SLC8B1: variants seen among roughly 807,000 people sequenced by gnomAD.
SLC8B1 encodes the protein mitochondrial sodium/calcium exchanger protein.
A neutral mutation model predicts 63.4 loss-of-function variants in SLC8B1; 52 were observed. The ratio of observed to expected loss-of-function variants is 0.82; its 90% CI spans 0.66 to 1.03. The LOEUF (loss-of-function observed/expected upper bound fraction) is 1.03. Ranked by LOEUF, SLC8B1 falls within the 50% of genes least tolerant of loss-of-function variation. SLC8B1 has a pLI of 0.00. For synonymous variants in SLC8B1, 336 were observed against 323.9 expected, an observed-to-expected ratio of 1.04 and a Z score of -0.40; for missense variants, 657 against 741.7, an observed-to-expected ratio of 0.89 and a Z score of 1.33.
At chr12:113,312,196 G>A (rs1383554181) in intron 11 of SLC8B1, among the ~76,000 whole-genome samples, 1 of 152,112 alleles carries the variant, frequency 6.6e-6, no homozygotes, top group Non-Finnish European at 1.5e-5. Flanking sequence ...CACTTTGGGA[G>A]GCTGAGGCAG....
rs57763094 is a variant in SLC8B1, at chr12:113,303,114, G to GACACACAC, written c.1557+1199_1557+1206dup. 3.3e-3 allele frequency among the ~76,000 whole-genome samples: 460 copies of GACACACAC among 140,948 alleles called. 3 individuals are homozygous for GACACACAC. Among genetic ancestry groups the GACACACAC allele is most frequent in the African/African-American group, 0.011 (399 of 37,208 alleles). 92.5% of individuals were successfully genotyped at this position (140,948 alleles called of 152,430 possible). On this transcript the variant is annotated intron_variant, in intron 15 of 15. Coordinates refer to ENST00000680972, the MANE Select transcript of SLC8B1 (RefSeq NM_001358345.2). ...TCCTAAACTCAGCACAAAGGCGGTG[G>GACACACAC]ACACACACACACACACACACACACA...
At chr12:113,318,438 CGTATGT>C (rs1346067759) in intron 8 of SLC8B1, among the ~76,000 whole-genome samples, 1 of 149,058 alleles carries the variant, frequency 6.7e-6, no homozygotes, top group Admixed American at 6.7e-5. Context: ...TGTGTATACA[CGTATGT>C]GTATGTGTTG....
At position 113,332,816 on chromosome 12, in the gene SLC8B1, C is replaced by T. The variant is rs571587280; in HGVS notation, c.63G>A (p.Ala21=). The T allele has an allele frequency of 4.0e-5, 64 of 1,614,204 alleles. 2 individuals are homozygous for T. Among genetic ancestry groups the T allele is most frequent in the Admixed American group, 1.8e-4 (11 of 60,020 alleles). Residue 21 remains alanine (A), a synonymous_variant, in exon 2 of 16, where the codon GCG becomes GCA. Coordinates refer to ENST00000680972, the MANE Select transcript of SLC8B1 (RefSeq NM_001358345.2). ...AGCCCCTAGTCCCAGACACTGTCTC[C>T]GCCATTAGCAGCACACAAAGCACAC... ...ALSVLCVLLM[A]ETVSGTRGSS... is the part of the protein sequence containing the mutation.
chr12:113,334,192 A>G (rs558236382), intron 1 of SLC8B1, among the ~76,000 whole-genome samples: 37 of 152,356 alleles, frequency 2.4e-4, no homozygotes, highest in African/African-American at 8.7e-4. Flanking sequence ...AATGGCTTCA[A>G]TATATTTCAA....
At chr12:113,311,365 A>G (rs1457500331) in intron 11 of SLC8B1, among the ~76,000 whole-genome samples, 2 of 152,090 alleles carry the variant, frequency 1.3e-5, no homozygotes, top group African/African-American at 4.8e-5. Context: ...CAGGAGAATC[A>G]CTTGAACTCA....
chr12:113,317,263 T>C (rs552104359), intron 8 of SLC8B1, among the ~76,000 whole-genome samples: 1 of 152,108 alleles, frequency 6.6e-6, no homozygotes, highest in East Asian at 1.9e-4. Flanking sequence ...AGCTAATTTT[T>C]AAAAATTTTA....
At chr12:113,330,621 C>T (rs777613500) in intron 2 of SLC8B1, among the ~76,000 whole-genome samples, 1 of 152,200 alleles carries the variant, frequency 6.6e-6, no homozygotes, top group African/African-American at 2.4e-5. Flanking sequence ...TCCCAGTTTT[C>T]CTGCCCCCAA....
At chr12:113,302,392 T>A in intron 15 of SLC8B1, 1 of 283,716 alleles carries the variant, frequency 3.5e-6, no homozygotes, top group South Asian at 3.2e-5. Flanking sequence ...GCTGATGCCC[T>A]GATTGCAGGC....
rs1445877946 is a variant in SLC8B1, at chr12:113,299,132, G to T, written c.*645C>A. On this transcript the variant is annotated 3_prime_UTR_variant, in exon 16 of 16. Transcript: ENST00000680972. Reference sequence around the variant, plus strand: ...AGCTGCTGGCGTAGCAGTGCCTCGGGCTGGCATCGTTTTGGAAGCAAGTGG... The same window carrying T: ...AGCTGCTGGCGTAGCAGTGCCTCGGTCTGGCATCGTTTTGGAAGCAAGTGG... 1 of 153,764 alleles carries T rather than the reference G, an allele frequency of 6.5e-6. No individual in the cohort carries two copies. The highest frequency in any genetic ancestry group is 2.4e-5 in the African/African-American group (1 of 41,484). The allele number at this position is 153,764 out of a possible 1,614,324, so 9.5% of individuals were successfully genotyped here.
chr12:113,302,576 C>T (rs1044969651), intron 15 of SLC8B1: 1 of 453,906 alleles, frequency 2.2e-6, no homozygotes, highest in African/African-American at 2.0e-5. Flanking sequence ...AATGTCCCCT[C>T]CCCGCTTCTC....
At chr12:113,304,031 C>T (rs1014634131) in intron 15 of SLC8B1, among the ~76,000 whole-genome samples, 1 of 152,166 alleles carries the variant, frequency 6.6e-6, no homozygotes, top group South Asian at 2.1e-4. Flanking sequence ...CAGGTGTGCA[C>T]CACCACACCT....
intron 15 of SLC8B1, among the ~76,000 whole-genome samples, chr12:113,303,236 G>C (rs2136822301): frequency 6.6e-6 from 1 of 152,142 alleles, no homozygotes; most frequent in East Asian, 1.9e-4. Context: ...ATCATGAAAG[G>C]GAACCTATTA....
At chr12:113,333,404 G>A (rs187484209) in intron 1 of SLC8B1, among the ~76,000 whole-genome samples, 3 of 152,350 alleles carry the variant, frequency 2.0e-5, no homozygotes, top group South Asian at 4.1e-4. Context: ...AGTTTGAGAC[G>A]TAGAGAGGCT....
chr12:113,331,996 C>G (rs929697510), intron 2 of SLC8B1, among the ~76,000 whole-genome samples: 1 of 152,142 alleles, frequency 6.6e-6, no homozygotes, highest in Admixed American at 6.5e-5. Flanking sequence ...TCCATTCTAG[C>G]CTCCCTGCTG....
At position 113,305,957 on chromosome 12, in the gene SLC8B1, A is replaced by C. The variant is rs528623438; in HGVS notation, c.1492+538T>G. On this transcript the variant is annotated intron_variant, in intron 14 of 15. Transcript: ENST00000680972. This position sits in a 1 kb window ranked among gnomAD's most constrained non-coding sequence, Gnocchi z 4.3. The stretch of plus-strand genomic sequence containing the variant: ...GCCTGTAGTCCCAGCTACTCAGAAG[A>C]CTGAGGCAGGAGAATTGCTTGAACC... Among the ~76,000 whole-genome samples, 1 of 150,600 alleles carries C rather than the reference A, an allele frequency of 6.6e-6. No individual in the cohort carries two copies. Among genetic ancestry groups the C allele is most frequent in the Non-Finnish European group, 1.5e-5 (1 of 67,816 alleles).
At chr12:113,333,034 T>G (rs1374003556) in intron 1 of SLC8B1, 74 bp from the exon 2 acceptor site, 6 of 916,154 alleles carry the variant, frequency 6.5e-6, no homozygotes, top group Non-Finnish European at 9.6e-6. Context: ...GCTGGAAGAC[T>G]CTAGTTAAGG....
At chr12:113,317,386 GCCA>G (rs1566235196) in intron 8 of SLC8B1, among the ~76,000 whole-genome samples, 1 of 152,198 alleles carries the variant, frequency 6.6e-6, no homozygotes, top group African/African-American at 2.4e-5. Context: ...ACTGCGCCCG[GCCA>G]CGTCCAGGCT....
chr12:113,329,760 A>G (rs1957035684), intron 2 of SLC8B1, among the ~76,000 whole-genome samples: 1 of 152,142 alleles, frequency 6.6e-6, no homozygotes. Flanking sequence ...AAGGGTAACC[A>G]ACTCAATACC....
At chr12:113,329,132 G>A (rs1310917608) in intron 2 of SLC8B1, among the ~76,000 whole-genome samples, 1 of 152,134 alleles carries the variant, frequency 6.6e-6, no homozygotes, top group Non-Finnish European at 1.5e-5. Flanking sequence ...CCTAACAGTT[G>A]TGCTGCACAC....
Sources: allele counts gnomAD v4.1 joint callset (sites outside exome capture counted in the v4.1 genomes callset), GRCh38; gene constraint gnomAD v4.1.1; non-coding constraint Gnocchi (gnomAD v3.1); transcripts MANE v1.5; gene names NCBI Gene and HGNC (gene_info 2026-07-23, HGNC 2026-07-21).